The following ATP6V1A variants were observed in gnomAD, a reference collection of about 807,000 sequenced individuals.
The protein encoded by ATP6V1A is ATPase H+ transporting V1 subunit A.
ATP6V1A carries 18 observed loss-of-function variants against 70.1 expected under a neutral mutation model. That is an observed-to-expected ratio of 0.26 (90% confidence interval 0.18 to 0.38). ATP6V1A has a LOEUF of 0.38. Among genes scored for constraint, ATP6V1A ranks in the 10% least tolerant of loss-of-function variants. The pLI is 1.00. For synonymous variants in ATP6V1A, 232 were observed against 253.8 expected (o/e 0.91, Z 0.82); for missense variants, 424 against 772.4 (o/e 0.55, Z 5.35).
Position 113,805,492 on chromosome 3 carries a change from C to T in ATP6V1A, c.1728C>T (p.Asp576=). 1.2e-6 allele frequency: 2 copies of T among 1,613,840 alleles called. No homozygotes were observed. The highest frequency in any genetic ancestry group is 1.7e-6 in the Non-Finnish European group (2 of 1,179,810). ...TWSIIREHMG[D]ILYKLSSMKF... ...CCATTATTCGTGAGCACATGGGAGA[C>T]ATCCTCTATAAACTTTCCTCCATGA... Residue 576 remains aspartate, a synonymous_variant, in exon 14 of 15, where the codon GAC becomes GAT. Transcript: ENST00000273398.
intron 1 of ATP6V1A, among the ~76,000 whole-genome samples, chr3:113,765,675 G>C (rs1482377896): frequency 1.3e-5 from 2 of 151,820 alleles, no homozygotes; most frequent in Non-Finnish European, 2.9e-5. Context: ...CCAGCACTTT[G>C]GGAGGCCGAG....
At chr3:113,764,236 A>G (rs960219728) in intron 1 of ATP6V1A, among the ~76,000 whole-genome samples, 2 of 152,164 alleles carry the variant, frequency 1.3e-5, no homozygotes, top group African/African-American at 4.8e-5. Context: ...TTGTCTCAAA[A>G]AAAAAAGAAA....
chr3:113,752,139 T>C (rs936031903), intron 1 of ATP6V1A, among the ~76,000 whole-genome samples: 8 of 151,968 alleles, frequency 5.3e-5, no homozygotes, highest in Non-Finnish European at 1.2e-4. Context: ...TTTTGTTTCT[T>C]TTCTGAAAAA....
At chr3:113,806,949 C>CT (rs1447330434) in intron 14 of ATP6V1A, among the ~76,000 whole-genome samples, 7 of 151,932 alleles carry the variant, frequency 4.6e-5, no homozygotes, top group Non-Finnish European at 1.0e-4. Context: ...GAATGATTCT[C>CT]TGAGTGTATA....
intron 4 of ATP6V1A, 116 bp downstream of exon 4, chr3:113,784,554 A>G: frequency 7.2e-7 from 1 of 1,389,164 alleles, no homozygotes; most frequent in Non-Finnish European, 9.8e-7. Flanking sequence ...GGATAGTTTA[A>G]AGTTTTTCTT....
At chr3:113,802,470 A>G (rs1017595594) in intron 12 of ATP6V1A, among the ~76,000 whole-genome samples, 12 of 151,464 alleles carry the variant, frequency 7.9e-5, no homozygotes, top group Non-Finnish European at 1.5e-4. Context: ...AGCTGGGACT[A>G]CAGGCGCCCT....
At chr3:113,780,798 C>A (rs1342301871) in intron 2 of ATP6V1A, 9 of 1,328,380 alleles carry the variant, frequency 6.8e-6, no homozygotes, top group Non-Finnish European at 8.9e-6. Flanking sequence ...GTTTGCCATG[C>A]AGAACTTGAA....
chr3:113,748,747 G>A (rs767620282), intron 1 of ATP6V1A, among the ~76,000 whole-genome samples: 4 of 152,158 alleles, frequency 2.6e-5, no homozygotes, highest in Non-Finnish European at 5.9e-5. Context: ...CCCAAGTAAT[G>A]AAGATTACTA....
Position 113,803,724 on chromosome 3 carries a change from G to A in ATP6V1A, c.1589+47G>A, listed in dbSNP as rs375840054. 9.1e-5 allele frequency: 135 copies of A among 1,487,814 alleles called. No homozygotes were observed. In the African/African-American group the frequency reaches 1.5e-3, roughly 17 times the overall value. 92.2% of individuals were successfully genotyped at this position (1,487,814 alleles called of 1,614,324 possible). ...TTTTTATTTGAGGATTTTCTGTTGT[G>A]TTTTGGTGAAGGAGTACACATTAAA... is the stretch of plus-strand genomic sequence containing the variant. On this transcript the variant is annotated intron_variant, in intron 13 of 14. Transcript: ENST00000273398.
chr3:113,767,819 G>T (rs10934246), intron 1 of ATP6V1A, among the ~76,000 whole-genome samples: 55,122 of 151,860 alleles, frequency 0.36, 10,071 homozygotes, highest in African/African-American at 0.41. Context: ...CCCAGCTAAT[G>T]TTTTTGTATT....
At chr3:113,756,396 A>G (rs1304211815) in intron 1 of ATP6V1A, among the ~76,000 whole-genome samples, 9 of 152,216 alleles carry the variant, frequency 5.9e-5, no homozygotes, top group Non-Finnish European at 4.4e-5. Flanking sequence ...AGGTAAGTAC[A>G]ATTTGAATTT....
In ATP6V1A at chr3:113,758,034, C is replaced by T. The variant is rs538972777; in HGVS notation, c.-14+10921C>T. Among the ~76,000 whole-genome samples the T allele has an allele frequency of 2.0e-5, 3 of 152,244 alleles. 1 individual carries two copies. The South Asian group carries it at 6.2e-4, about 32-fold the overall frequency. On this transcript the variant is annotated intron_variant, in intron 1 of 14. Coordinates refer to ENST00000273398, the MANE Select transcript of ATP6V1A (RefSeq NM_001690.4). ...TGGTGTGCACCTGTAGTCCCAGCTA[C>T]TCAGGAGGCTGAGGGAGGAGAATCA...
intron 12 of ATP6V1A, among the ~76,000 whole-genome samples, chr3:113,798,824 A>T (rs1229131358): frequency 6.6e-6 from 1 of 152,194 alleles, no homozygotes; most frequent in Non-Finnish European, 1.5e-5. Context: ...TTGTGCCTGT[A>T]TCTTGGATTC....
chr3:113,802,964 C>T (rs1709232191), intron 12 of ATP6V1A: 1 of 152,496 alleles, frequency 6.6e-6, no homozygotes, highest in Non-Finnish European at 1.5e-5. Flanking sequence ...TACCCAGACC[C>T]ATATTCTTAG....
intron 1 of ATP6V1A, among the ~76,000 whole-genome samples, chr3:113,775,878 TTTG>T (rs1406285895): frequency 1.3e-5 from 2 of 152,230 alleles, no homozygotes. Context: ...TCACTACTTC[TTTG>T]AAGACTTTTC....
Position 113,786,306 on chromosome 3 carries a change from AGTTCGACCT to A in ATP6V1A, c.642_650del (p.Arg215_Val217del). The A allele has an allele frequency of 6.2e-7, 1 of 1,613,496 alleles. No homozygotes were observed. Among genetic ancestry groups the A allele is most frequent in the Non-Finnish European group, 8.5e-7 (1 of 1,179,636 alleles). On this transcript the variant is annotated inframe_deletion, in exon 6 of 15. Transcript: ENST00000273398. ...TGGTGCAAGTATGGCCTGTACGTCA[AGTTCGACCT>A]GTCACTGAGAAGCTGCCAGCCAATC...
chr3:113,798,317 C>G lies in ATP6V1A; in HGVS notation c.1365C>G (p.Ser455Arg). The G allele has an allele frequency of 6.2e-7, 1 of 1,613,930 alleles. No homozygotes were observed. Among genetic ancestry groups the G allele is most frequent in the Non-Finnish European group, 8.5e-7 (1 of 1,179,990 alleles). ...CTGTCAATTGGCTCATCAGCTACAG[C>G]AAGTATATGCGTGCCTTGGATGAAT... is the stretch of plus-strand genomic sequence containing the variant. The part of the protein sequence containing the change: ...FPSVNWLISY[S>R]KYMRALDEYY... The change falls in exon 12 of 15, where the codon AGC becomes AGG. Residue 455 changes from serine to arginine, a missense_variant. Around this residue, in one of 9 missense-constraint regions of ATP6V1A, gnomAD observed 127 missense variants for 207.9 expected, o/e 0.61. Coordinates refer to ENST00000273398, the MANE Select transcript of ATP6V1A (RefSeq NM_001690.4).
chr3:113,766,330 C>G (rs1363065193), intron 1 of ATP6V1A, among the ~76,000 whole-genome samples: 3 of 152,104 alleles, frequency 2.0e-5, no homozygotes, highest in Non-Finnish European at 4.4e-5. Context: ...CAGTCTCGCT[C>G]TGTCACCCAG....
intron 1 of ATP6V1A, among the ~76,000 whole-genome samples, chr3:113,770,159 C>T (rs1010624722): frequency 6.6e-6 from 1 of 152,048 alleles, no homozygotes; most frequent in Non-Finnish European, 1.5e-5. Flanking sequence ...AGCATTTCTC[C>T]TCCTCCAGCC....
Sources: allele counts gnomAD v4.1 joint callset (sites outside exome capture counted in the v4.1 genomes callset), GRCh38; gene constraint gnomAD v4.1.1; regional missense constraint gnomAD v4.1.1; transcripts MANE v1.5; gene names NCBI Gene and HGNC (gene_info 2026-07-23, HGNC 2026-07-21).